The following RYR2 variants were observed in gnomAD, a reference collection of about 807,000 sequenced individuals.
RYR2 encodes the protein cardiac muscle ryanodine receptor-calcium release channel.
Under a neutral mutation model 601.1 loss-of-function variants are expected in RYR2, and 227 were observed. The ratio of observed to expected loss-of-function variants is 0.38; its 90% CI spans 0.34 to 0.42. The LOEUF (loss-of-function observed/expected upper bound fraction) is 0.42. Ranked by LOEUF, RYR2 falls within the 10% of genes least tolerant of loss-of-function variation. The probability of loss-of-function intolerance (pLI) is 1.00; values close to 1 mark genes in which losing one functional copy is unlikely to be tolerated. For missense variants in RYR2, 4,646 were observed against 6,156.5 expected, an observed-to-expected ratio of 0.75 and a Z score of 8.21; for synonymous variants, 2,223 against 2,175.1, an observed-to-expected ratio of 1.02 and a Z score of -0.61.
chr1:237,264,969 T>C (rs1005956106), intron 1 of RYR2, among the ~76,000 whole-genome samples: 7 of 152,026 alleles, frequency 4.6e-5, no homozygotes, highest in Admixed American at 1.3e-4. Flanking sequence ...CCCAAAGTGC[T>C]GGGATGTGAG....
chr1:237,780,122 A>AAAC (rs1694976293), intron 88 of RYR2, among the ~76,000 whole-genome samples: 1 of 149,608 alleles, frequency 6.7e-6, no homozygotes, highest in Admixed American at 6.6e-5. Context: ...GAACAGTTAG[A>AAAC]AACTATATTT....
At chr1:237,422,350 T>G (rs200640150) in intron 11 of RYR2, among the ~76,000 whole-genome samples, 2 of 152,198 alleles carry the variant, frequency 1.3e-5, no homozygotes, top group East Asian at 3.9e-4. Context: ...CTCAAACGTT[T>G]ATCATTTCTG....
At chr1:237,551,725 C>T (rs1670426286) in intron 27 of RYR2, among the ~76,000 whole-genome samples, 1 of 152,028 alleles carries the variant, frequency 6.6e-6, no homozygotes, top group African/African-American at 2.4e-5. Flanking sequence ...TCTAGTGGCT[C>T]ATATTTTCAG....
chr1:237,511,764 A>G lies in RYR2; in HGVS notation c.2795A>G (p.Asn932Ser). 1 of 1,536,690 alleles carries G rather than the reference A, an allele frequency of 6.5e-7. No individual in the cohort carries two copies. The highest frequency in any genetic ancestry group is 8.8e-7 in the Non-Finnish European group (1 of 1,132,550). ...SKLPEQERNY[N>S]LQMSLETLKT... ...CTGCCTGAACAGGAGCGCAATTACA[A>G]CTTACAAATGTCGCTTGAGACCCTG... The change falls in exon 24 of 105, where the codon AAC becomes AGC. Residue 932 changes from asparagine to serine, a missense_variant. By Grantham distance (46) the Asn-to-Ser change is conservative (BLOSUM62 1). Coordinates refer to ENST00000366574, the MANE Select transcript of RYR2 (RefSeq NM_001035.3).
In RYR2 at chr1:237,106,238, C is replaced by T. The variant is rs1668667248; in HGVS notation, c.48+63669C>T. 6.6e-6 allele frequency among the ~76,000 whole-genome samples: 1 copy of T among 152,158 alleles called. No individual in the cohort carries two copies. The highest frequency in any genetic ancestry group is 1.5e-5 in the Non-Finnish European group (1 of 68,022). ...GGCCACTGTGTTGAGAATAGATGTT[C>T]CTGGTAAACAGGGGTGGGCAGGGAG... On this transcript the variant is annotated intron_variant, in intron 1 of 104. Transcript: ENST00000366574. The surrounding 1 kb of genome is among the most constrained non-coding windows in gnomAD (Gnocchi z 4.4).
At chr1:237,744,800 A>AT (rs111625810) in intron 80 of RYR2, among the ~76,000 whole-genome samples, 2,226 of 136,324 alleles carry the variant, frequency 0.016, 30 homozygotes, top group Middle Eastern at 0.031. Context: ...TTCCTTTGTA[A>AT]TTTTTTTTTT....
At chr1:237,321,378 T>G (rs888660239) in intron 2 of RYR2, among the ~76,000 whole-genome samples, 1 of 152,172 alleles carries the variant, frequency 6.6e-6, no homozygotes, top group Non-Finnish European at 1.5e-5. Flanking sequence ...TTTCTAGATT[T>G]TATTATACTT....
At chr1:237,367,509 G>A (rs778258845) in intron 5 of RYR2, among the ~76,000 whole-genome samples, 1 of 152,124 alleles carries the variant, frequency 6.6e-6, no homozygotes, top group African/African-American at 2.4e-5. Flanking sequence ...GAAACTATAT[G>A]GAACAACAAG....
intron 80 of RYR2, among the ~76,000 whole-genome samples, chr1:237,745,285 A>G (rs1691977093): frequency 6.6e-6 from 1 of 152,186 alleles, no homozygotes; most frequent in Non-Finnish European, 1.5e-5. Flanking sequence ...GGCTTAAATA[A>G]TAGATAATAA....
In RYR2 at chr1:237,204,072, G is replaced by A. The variant is rs548874577; in HGVS notation, c.49-66425G>A. Among the ~76,000 whole-genome samples the A allele has an allele frequency of 3.9e-5, 6 of 152,256 alleles. 1 individual carries two copies. Among genetic ancestry groups the A allele is most frequent in the South Asian group, 2.1e-4 (1 of 4,822 alleles). On this transcript the variant is annotated intron_variant, in intron 1 of 104. Transcript: ENST00000366574. ...GTTGCCCAGGCTGGAGTACAGTGGC[G>A]CAATCATGACGCACTGCAACCTTCT...
intron 40 of RYR2, among the ~76,000 whole-genome samples, chr1:237,626,099 A>G (rs1407604000): frequency 6.6e-6 from 1 of 152,218 alleles, no homozygotes; most frequent in Non-Finnish European, 1.5e-5. Context: ...AAGTATAGTA[A>G]TTTAGCCTTC....
rs114703291 is a variant in RYR2, at chr1:237,082,155, C to G, written c.48+39586C>G. On this transcript the variant is annotated intron_variant, in intron 1 of 104. Transcript: ENST00000366574. ...ACATTATTGATCATGTACTGTGGGACAGGTCCTATTGTAAGCAGCGTTCAT... is the reference window on the plus strand; with the variant it reads ...ACATTATTGATCATGTACTGTGGGAGAGGTCCTATTGTAAGCAGCGTTCAT... Among the ~76,000 whole-genome samples the G allele has an allele frequency of 8.0e-3, 1,216 of 152,190 alleles. 19 individuals carry two copies. Among genetic ancestry groups the G allele is most frequent in the African/African-American group, 0.028 (1,155 of 41,534 alleles).
intron 58 of RYR2, among the ~76,000 whole-genome samples, chr1:237,669,443 G>GT: frequency 6.6e-6 from 1 of 151,672 alleles, no homozygotes; most frequent in Admixed American, 6.6e-5. Flanking sequence ...TCACTTCCCA[G>GT]TAGGGGCGGC....
chr1:237,814,590 T>G (rs1281666347), intron 100 of RYR2, among the ~76,000 whole-genome samples: 1 of 151,778 alleles, frequency 6.6e-6, no homozygotes, highest in Non-Finnish European at 1.5e-5. Flanking sequence ...GTTTTGAGCC[T>G]GAGAATCTAA....
intron 2 of RYR2, among the ~76,000 whole-genome samples, chr1:237,272,313 G>A (rs1473199170): frequency 3.4e-5 from 5 of 148,262 alleles, no homozygotes; most frequent in African/African-American, 1.2e-4. Flanking sequence ...GGATAGAGAA[G>A]GATCGAACCA....
intron 63 of RYR2, among the ~76,000 whole-genome samples, chr1:237,690,673 G>A (rs1218638723): frequency 6.6e-6 from 1 of 152,076 alleles, no homozygotes. Flanking sequence ...ACCAGCCTGG[G>A]AAACATGGCG....
intron 56 of RYR2, among the ~76,000 whole-genome samples, chr1:237,665,489 C>CAGG (rs1240182346): frequency 6.6e-6 from 1 of 151,862 alleles, no homozygotes. Flanking sequence ...TCCCTGAAAC[C>CAGG]AGGACAGGTT....
At position 237,776,824 on chromosome 1, in the gene RYR2, C is replaced by G. The variant is rs149132078; in HGVS notation, c.11776-1842C>G. On this transcript the variant is annotated intron_variant, in intron 87 of 104. Coordinates refer to ENST00000366574, the MANE Select transcript of RYR2 (RefSeq NM_001035.3). ...GTGTTGTATTTTTTTATCTAACGTG[C>G]GAGCCTGGCCCTCTTAGTCCTCCAG... Among the ~76,000 whole-genome samples, 137 of 152,184 alleles carry G rather than the reference C, an allele frequency of 9.0e-4. 1 individual carries two copies. Among genetic ancestry groups the G allele is most frequent in the African/African-American group, 3.0e-3 (125 of 41,528 alleles).
At chr1:237,417,188 CTG>C in intron 11 of RYR2, 65 bp downstream of exon 11, 1 of 1,218,004 alleles carries the variant, frequency 8.2e-7, no homozygotes, top group South Asian at 1.3e-5. Context: ...CGTTGTGCTT[CTG>C]TGTCAGCCTG....
Sources: gnomAD v4.1 joint callset for allele counts (sites outside exome capture counted in the v4.1 genomes callset) on GRCh38, gnomAD v4.1.1 for gene constraint, Gnocchi (gnomAD v3.1) non-coding constraint, MANE v1.5 for transcripts, NCBI Gene and HGNC (gene_info 2026-07-23, HGNC 2026-07-21) for gene names.